The following CTNNA3 variants were observed in gnomAD, a reference collection of about 807,000 sequenced individuals.
CTNNA3 encodes the protein catenin alpha-3.
CTNNA3 carries 76 observed loss-of-function variants against 95.7 expected under a neutral mutation model. The observed-to-expected ratio is 0.79, with a 90% CI of 0.66 to 0.96. CTNNA3 has a LOEUF of 0.96. CTNNA3 is among the 40% of genes least tolerant of loss of function. The probability of loss-of-function intolerance (pLI) is 0.00; values close to 1 mark genes in which losing one functional copy is unlikely to be tolerated. For missense variants in CTNNA3, 1,191 were observed against 1,089.8 expected (o/e 1.09, Z -1.31); for synonymous variants, 431 against 374.4 (o/e 1.15, Z -1.74).
At chr10:67,671,451 T>G (rs1347521296) in intron 1 of CTNNA3, among the ~76,000 whole-genome samples, 2 of 152,000 alleles carry the variant, frequency 1.3e-5, no homozygotes, top group Non-Finnish European at 2.9e-5. Flanking sequence ...GTTGGTGTGC[T>G]GCACCCATTA....
chr10:66,722,242 G>T (rs1848651062), intron 9 of CTNNA3, among the ~76,000 whole-genome samples: 1 of 152,058 alleles, frequency 6.6e-6, no homozygotes, highest in Non-Finnish European at 1.5e-5. Context: ...GCCGGGCGTG[G>T]TGGCAGGTGC....
intron 5 of CTNNA3, among the ~76,000 whole-genome samples, chr10:67,399,246 C>G (rs112363680): frequency 1.3e-3 from 194 of 152,176 alleles, no homozygotes; most frequent in Non-Finnish European, 2.0e-3. Context: ...CAGTTCAAAT[C>G]CTTGTTGTTC....
At chr10:67,298,030 A>G (rs1489491916) in intron 5 of CTNNA3, among the ~76,000 whole-genome samples, 3 of 152,194 alleles carry the variant, frequency 2.0e-5, no homozygotes, top group African/African-American at 7.2e-5. Flanking sequence ...AGTCATTGGA[A>G]TGGTAAGATG....
intron 9 of CTNNA3, among the ~76,000 whole-genome samples, chr10:66,704,089 T>C (rs893737087): frequency 1.3e-5 from 2 of 152,158 alleles, no homozygotes; most frequent in Non-Finnish European, 2.9e-5. Flanking sequence ...TTCACTGCAA[T>C]GGTAATGGAT....
intron 12 of CTNNA3, among the ~76,000 whole-genome samples, chr10:66,305,230 T>C (rs2091916065): frequency 2.0e-5 from 3 of 152,208 alleles, no homozygotes. Context: ...AAGTTATTAG[T>C]TGTATTACTT....
At chr10:67,400,966 G>A (rs1844895770) in intron 5 of CTNNA3, among the ~76,000 whole-genome samples, 1 of 152,046 alleles carries the variant, frequency 6.6e-6, no homozygotes, top group African/African-American at 2.4e-5. Flanking sequence ...ATATGATCCT[G>A]GACTAAGTGT....
chr10:66,787,513 C>T (rs1295122270), intron 7 of CTNNA3, among the ~76,000 whole-genome samples: 2 of 152,028 alleles, frequency 1.3e-5, no homozygotes, highest in African/African-American at 4.8e-5. Context: ...TCTCTCCTTC[C>T]TCTCCGGGAA....
At chr10:67,065,058 A>G (rs1369638595) in intron 7 of CTNNA3, among the ~76,000 whole-genome samples, 2 of 152,204 alleles carry the variant, frequency 1.3e-5, no homozygotes, top group Non-Finnish European at 2.9e-5. Context: ...ATAAAGCCTC[A>G]GTAGACATGT....
chr10:66,599,745 C>T (rs1215791349), intron 10 of CTNNA3, among the ~76,000 whole-genome samples: 1 of 151,740 alleles, frequency 6.6e-6, no homozygotes, highest in African/African-American at 2.4e-5. Context: ...AACTGTTCAC[C>T]ACAGTTCCTT....
At chr10:66,818,733 T>TC (rs1184191935) in intron 7 of CTNNA3, among the ~76,000 whole-genome samples, 1 of 144,640 alleles carries the variant, frequency 6.9e-6, no homozygotes, top group African/African-American at 2.4e-5. Context: ...TTTTGTGGGT[T>TC]TTTTTCAGAA....
chr10:67,111,071 A>G (rs1302837950), intron 7 of CTNNA3, among the ~76,000 whole-genome samples: 2 of 152,084 alleles, frequency 1.3e-5, no homozygotes, highest in Non-Finnish European at 2.9e-5. Flanking sequence ...GGAGAATAAT[A>G]TATTACTCTG....
chr10:67,641,759 A>G (rs1839540630), intron 2 of CTNNA3, among the ~76,000 whole-genome samples: 1 of 152,146 alleles, frequency 6.6e-6, no homozygotes, highest in Admixed American at 6.5e-5. Context: ...TCGCAAGGAC[A>G]AAAAACCAAA....
chr10:66,739,568 T>C (rs920514600), intron 9 of CTNNA3, among the ~76,000 whole-genome samples: 1 of 152,238 alleles, frequency 6.6e-6, no homozygotes, highest in South Asian at 2.1e-4. Context: ...ACATTATTTA[T>C]GCATTTTACT....
chr10:66,862,954 A>T (rs1844000902), intron 7 of CTNNA3, among the ~76,000 whole-genome samples: 1 of 152,116 alleles, frequency 6.6e-6, no homozygotes, highest in African/African-American at 2.4e-5. Flanking sequence ...CTACCTGTGA[A>T]TTGAGACAGT....
chr10:67,583,002 A>G, intron 3 of CTNNA3, among the ~76,000 whole-genome samples: 1 of 151,806 alleles, frequency 6.6e-6, no homozygotes, highest in East Asian at 1.9e-4. Flanking sequence ...ATGGGTCTTG[A>G]CTCTTTACCC....
At chr10:67,668,828 G>GTTTC in intron 1 of CTNNA3, among the ~76,000 whole-genome samples, 2 of 131,284 alleles carry the variant, frequency 1.5e-5, no homozygotes, top group African/African-American at 5.6e-5. Context: ...GGCCTACTGT[G>GTTTC]TTTCTTTTTT....
chr10:66,282,368 T>G (rs1404394241), intron 12 of CTNNA3, among the ~76,000 whole-genome samples: 11 of 151,816 alleles, frequency 7.2e-5, no homozygotes, highest in African/African-American at 2.4e-4. Flanking sequence ...CCTGAATCTT[T>G]TATAACATCT....
chr10:65,919,006 T>C lies in CTNNA3; in HGVS notation c.*1324A>G, dbSNP rs1394413815. 1 of 152,164 alleles carries C rather than the reference T, an allele frequency of 6.6e-6. No homozygotes were observed. Among genetic ancestry groups the C allele is most frequent in the Non-Finnish European group, 1.5e-5 (1 of 68,004 alleles). 9.4% of individuals were successfully genotyped at this position (152,164 alleles called of 1,614,324 possible). ...TTAGAAGTAAAAAGGTACAATATAA[T>C]ACTATTATGATAATGTAGAATAGAA... On this transcript the variant is annotated 3_prime_UTR_variant, in exon 18 of 18. Coordinates refer to ENST00000433211, the MANE Select transcript of CTNNA3 (RefSeq NM_013266.4).
At chr10:66,328,314 T>C (rs1015548938) in intron 12 of CTNNA3, among the ~76,000 whole-genome samples, 2 of 152,218 alleles carry the variant, frequency 1.3e-5, no homozygotes, top group African/African-American at 2.4e-5. Context: ...ACCTAGTAAG[T>C]AGCAGATGTG....
Sources: gnomAD v4.1 joint callset for allele counts (sites outside exome capture counted in the v4.1 genomes callset) on GRCh38, gnomAD v4.1.1 for gene constraint, MANE v1.5 for transcripts, NCBI Gene and HGNC (gene_info 2026-07-23, HGNC 2026-07-21) for gene names.